ARL11: variants seen among roughly 807,000 people sequenced by gnomAD.
ARL11 encodes the protein ADP-ribosylation factor-like protein 11.
For missense variants in ARL11, 239 were observed against 250.6 expected, an observed-to-expected ratio of 0.95 and a Z score of 0.31; for synonymous variants, 91 against 111.2, an observed-to-expected ratio of 0.82 and a Z score of 1.15.
At position 49,630,357 on chromosome 13, in the gene ARL11, CCA is replaced by C. The variant is rs1252330786; in HGVS notation, c.-18-71_-18-70del. On this transcript the variant is annotated intron_variant, in intron 1 of 1. Transcript: ENST00000282026. ...ACAGTGCTGGGATTACAGGTGTGAG[CCA>C]CTGCACCAGGATGGATTTGTCTTCC... The C allele has an allele frequency of 6.7e-5, 70 of 1,045,218 alleles. 1 individual carries two copies. Among genetic ancestry groups the C allele is most frequent in the Middle Eastern group, 6.0e-4 (2 of 3,342 alleles). 64.7% of individuals were successfully genotyped at this position (1,045,218 alleles called of 1,614,324 possible). A position where few individuals can be genotyped will look rare whatever the true frequency, so the allele number is the denominator to read the frequency against.
At position 49,630,672 on chromosome 13, in the gene ARL11, G is replaced by A; in HGVS notation, c.225G>A (p.Lys75=). The A allele has an allele frequency of 1.2e-6, 2 of 1,614,178 alleles. No individual in the cohort carries two copies. Among genetic ancestry groups the A allele is most frequent in the South Asian group, 2.2e-5 (2 of 91,082 alleles). Reference sequence around the variant, plus strand: ...AGGCCCCGCTCAGAGCCAGCTGGAAGGACTATCTGGAAGGCACAGATATCC... The same window carrying A: ...AGGCCCCGCTCAGAGCCAGCTGGAAAGACTATCTGGAAGGCACAGATATCC... ...GGQAPLRASW[K]DYLEGTDILV... Residue 75 remains lysine (K), a synonymous_variant, in exon 2 of 2, where the codon AAG becomes AAA. Transcript: ENST00000282026.
Position 49,630,035 on chromosome 13 carries a change from A to G in ARL11, c.-18-395A>G, listed in dbSNP as rs77838045. The G allele has an allele frequency of 3.5e-3, 566 of 160,542 alleles. 4 individuals are homozygous for G. Among genetic ancestry groups the G allele is most frequent in the African/African-American group, 0.013 (527 of 41,666 alleles). The allele number at this position is 160,542 out of a possible 1,614,324, so 9.9% of individuals were successfully genotyped here. On this transcript the variant is annotated intron_variant, in intron 1 of 1. Transcript: ENST00000282026. ...TGCCTCTTTGCTTTAACTCCTCAGG[A>G]ATGTCTTCCAGGAGGCCCCTGATCT...
Position 49,630,823 on chromosome 13 carries a change from G to T in ARL11, c.376G>T (p.Ala126Ser). The T allele has an allele frequency of 6.2e-7, 1 of 1,607,354 alleles. No individual in the cohort carries two copies. The highest frequency in any genetic ancestry group is 1.7e-4 in the Middle Eastern group (1 of 6,030). Reference protein sequence around the residue: ...PFLVLANKQEAPDALPLLKIR... With the variant: ...PFLVLANKQESPDALPLLKIR... The stretch of plus-strand genomic sequence containing the variant: ...CTTGGTGCTGGCCAACAAGCAGGAG[G>T]CACCTGATGCACTTCCGCTGCTTAA... The change falls in exon 2 of 2, where the codon GCA becomes TCA. Residue 126 changes from alanine (A) to serine (S), a missense_variant. By Grantham distance (99) the Ala-to-Ser change is moderately conservative (BLOSUM62 1). Transcript: ENST00000282026.
intron 1 of ARL11, 149 bp from the exon 2 acceptor site, chr13:49,630,281 C>T (rs1345812559): frequency 5.3e-5 from 32 of 609,014 alleles, no homozygotes; most frequent in East Asian, 3.9e-4. Flanking sequence ...TTTGTTGCCT[C>T]GGCTTGTTTG....
In ARL11 at chr13:49,632,933, T is replaced by C. The variant is rs1026688260; in HGVS notation, c.*1895T>C. On this transcript the variant is annotated 3_prime_UTR_variant, in exon 2 of 2. Transcript: ENST00000282026. ...TAAAGACATTACTCCCATAAAAATG[T>C]GAGGAGAGAGACTCAGTTCAGCAAC... 6.0e-6 allele frequency: 1 copy of C among 166,896 alleles called. No homozygotes were observed. Among genetic ancestry groups the C allele is most frequent in the African/African-American group, 2.4e-5 (1 of 41,450 alleles). The allele number at this position is 166,896 out of a possible 1,614,324, so 10.3% of individuals were successfully genotyped here.
At position 49,630,878 on chromosome 13, in the gene ARL11, T is replaced by A. The variant is rs763952974; in HGVS notation, c.431T>A (p.Phe144Tyr). Reference protein sequence around the residue: ...KIRNRLSLERFQDHCWELRGC... With the variant: ...KIRNRLSLERYQDHCWELRGC... ...AGAAACAGGCTGAGTCTAGAGAGAT[T>A]CCAGGACCACTGCTGGGAGCTCCGG... The change falls in exon 2 of 2, where the codon TTC becomes TAC. Residue 144 changes from phenylalanine to tyrosine, a missense_variant. By Grantham distance (22) the Phe-to-Tyr change is conservative. Coordinates refer to ENST00000282026, the MANE Select transcript of ARL11 (RefSeq NM_138450.6). 1 of 1,590,464 alleles carries A rather than the reference T, an allele frequency of 6.3e-7. No homozygotes were observed. Among genetic ancestry groups the A allele is most frequent in the Non-Finnish European group, 8.6e-7 (1 of 1,164,858 alleles).
At chr13:49,630,282 G>T in intron 1 of ARL11, 148 bp from the exon 2 acceptor site, 2 of 600,116 alleles carry the variant, frequency 3.3e-6, no homozygotes, top group Non-Finnish European at 5.9e-6. Flanking sequence ...TTGTTGCCTC[G>T]GCTTGTTTGA....
intron 1 of ARL11, among the ~76,000 whole-genome samples, chr13:49,629,631 T>G (rs1289880898): frequency 6.6e-6 from 1 of 152,212 alleles, no homozygotes; most frequent in African/African-American, 2.4e-5. Context: ...TGTACCGGTG[T>G]GTAGCCCAGG....
rs1034709035 is a variant in ARL11, at chr13:49,631,472, C to G, written c.*434C>G. ...TCTCAACATACTTCATTTAATAGCTCGTTACCAAGTGTGAATGAAGCAATA... is the reference window on the plus strand; with the variant it reads ...TCTCAACATACTTCATTTAATAGCTGGTTACCAAGTGTGAATGAAGCAATA... On this transcript the variant is annotated 3_prime_UTR_variant, in exon 2 of 2. Transcript: ENST00000282026. The G allele has an allele frequency of 5.9e-6, 1 of 168,390 alleles. No individual in the cohort carries two copies. The highest frequency in any genetic ancestry group is 2.4e-5 in the African/African-American group (1 of 41,398). 10.4% of individuals were successfully genotyped at this position (168,390 alleles called of 1,614,324 possible).
In ARL11 at chr13:49,632,296, T is replaced by C. The variant is rs866216278; in HGVS notation, c.*1258T>C. 6.0e-6 allele frequency: 1 copy of C among 167,070 alleles called. No homozygotes were observed. The highest frequency in any genetic ancestry group is 6.5e-5 in the Admixed American group (1 of 15,282). 10.3% of individuals were successfully genotyped at this position (167,070 alleles called of 1,614,324 possible). On this transcript the variant is annotated 3_prime_UTR_variant, in exon 2 of 2. Coordinates refer to ENST00000282026, the MANE Select transcript of ARL11 (RefSeq NM_138450.6). ...ACACTGAGCTTTCGAATATGAATCATGTGCTTTAGGTGGGAATTGTGAATT... is the reference window on the plus strand; with the variant it reads ...ACACTGAGCTTTCGAATATGAATCACGTGCTTTAGGTGGGAATTGTGAATT...
Position 49,631,023 on chromosome 13 carries a change from C to G in ARL11, c.576C>G (p.Asp192Glu). Residue 192 changes from aspartate to glutamate, a missense_variant, in exon 2 of 2, where the codon GAC (aspartate) becomes GAG (glutamate). Asp to Glu is a conservative substitution (Grantham distance 45). Coordinates refer to ENST00000282026, the MANE Select transcript of ARL11 (RefSeq NM_138450.6). ...QARAHGAERG[D>E]SKRS ...GAGCCCATGGGGCTGAGCGCGGAGA[C>G]AGCAAGAGATCTTGATCCAGACAGA... is the stretch of plus-strand genomic sequence containing the variant. The G allele has an allele frequency of 6.3e-7, 1 of 1,583,978 alleles. No homozygotes were observed. Among genetic ancestry groups the G allele is most frequent in the Non-Finnish European group, 8.6e-7 (1 of 1,164,406 alleles).
At position 49,631,220 on chromosome 13, in the gene ARL11, C is replaced by T. The variant is rs549932907; in HGVS notation, c.*182C>T. The stretch of plus-strand genomic sequence containing the variant: ...CTTGAGCCCAGGAGTTGGAGAGCAA[C>T]ATCACAACACCCCATTTCTACTAAT... On this transcript the variant is annotated 3_prime_UTR_variant, in exon 2 of 2. Coordinates refer to ENST00000282026, the MANE Select transcript of ARL11 (RefSeq NM_138450.6). 1.5e-5 allele frequency: 8 copies of T among 548,444 alleles called. No homozygotes were observed. Among genetic ancestry groups the T allele is most frequent in the African/African-American group, 3.9e-5 (2 of 51,306 alleles). The allele number at this position is 548,444 out of a possible 1,614,324, so 34.0% of individuals were successfully genotyped here.
At position 49,632,440 on chromosome 13, in the gene ARL11, C is replaced by G. The variant is rs1444139846; in HGVS notation, c.*1402C>G. Reference sequence around the variant, plus strand: ...TGATCATTACCTAGCATCCATGAAGCACCTGAAATTATTTGCAAAATGTTA... The same window carrying G: ...TGATCATTACCTAGCATCCATGAAGGACCTGAAATTATTTGCAAAATGTTA... On this transcript the variant is annotated 3_prime_UTR_variant, in exon 2 of 2. Transcript: ENST00000282026. 1 of 167,024 alleles carries G rather than the reference C, an allele frequency of 6.0e-6. No homozygotes were observed. The highest frequency in any genetic ancestry group is 2.4e-5 in the African/African-American group (1 of 41,452). 10.3% of individuals were successfully genotyped at this position (167,024 alleles called of 1,614,324 possible). A position where few individuals can be genotyped will look rare whatever the true frequency, so the allele number is the denominator to read the frequency against.
rs781073355 is a variant in ARL11 at position 49,633,683 on chromosome 13, C to T, written c.*2645C>T. The T allele has an allele frequency of 1.8e-5, 3 of 167,060 alleles. No individual in the cohort carries two copies. Among genetic ancestry groups the T allele is most frequent in the Non-Finnish European group, 4.4e-5 (3 of 68,144 alleles). The allele number at this position is 167,060 out of a possible 1,614,324, so 10.3% of individuals were successfully genotyped here. ...TGAAGAGGGCTCAAGATTTTGAGTC[C>T]ACATGACAGAAGGACTGGAATGCCA... On this transcript the variant is annotated 3_prime_UTR_variant, in exon 2 of 2. Transcript: ENST00000282026.
rs80213681 is a variant in ARL11 at position 49,632,827 on chromosome 13, ATGTTTCAAGACGC to A, written c.*1793_*1805del. The A allele has an allele frequency of 0.083, 13,950 of 167,108 alleles. 607 individuals are homozygous for A. The highest frequency in any genetic ancestry group is 0.16 in the Middle Eastern group (47 of 294). The allele number at this position is 167,108 out of a possible 1,614,324, so 10.4% of individuals were successfully genotyped here. A position where few individuals can be genotyped will look rare whatever the true frequency, so the allele number is the denominator to read the frequency against. ...TTATTTCCAGTACTTGTCAGTCAACATGTTTCAAGACGCTGTGTTAGACACTAGGGATGCAAAG... is the reference window on the plus strand; with the variant it reads ...TTATTTCCAGTACTTGTCAGTCAACATGTGTTAGACACTAGGGATGCAAAG... On this transcript the variant is annotated 3_prime_UTR_variant, in exon 2 of 2. Transcript: ENST00000282026.
Position 49,631,036 on chromosome 13 carries a change from T to G in ARL11, c.589T>G (p.Ter197GlyextTer17). 1 of 1,568,680 alleles carries G rather than the reference T, an allele frequency of 6.4e-7. No individual in the cohort carries two copies. The highest frequency in any genetic ancestry group is 8.7e-7 in the Non-Finnish European group (1 of 1,155,582). ...GAERGDSKRS[*>G] ...TGAGCGCGGAGACAGCAAGAGATCTTGATCCAGACAGAGCAGCATATCTTT... is the reference window on the plus strand; with the variant it reads ...TGAGCGCGGAGACAGCAAGAGATCTGGATCCAGACAGAGCAGCATATCTTT... Residue 197 changes from the stop codon to glycine (G), a stop_lost, in exon 2 of 2, where the codon TGA (stop) becomes GGA (glycine). Transcript: ENST00000282026.
chr13:49,631,989 T>G lies in ARL11; in HGVS notation c.*951T>G, dbSNP rs1964892972. On this transcript the variant is annotated 3_prime_UTR_variant, in exon 2 of 2. Coordinates refer to ENST00000282026, the MANE Select transcript of ARL11 (RefSeq NM_138450.6). Reference sequence around the variant, plus strand: ...GGCAGGGCCCATACAACAGCAGGGGTCTGCAGGTTAGACGTTCCCTGCCCT... The same window carrying G: ...GGCAGGGCCCATACAACAGCAGGGGGCTGCAGGTTAGACGTTCCCTGCCCT... 2 of 166,888 alleles carry G rather than the reference T, an allele frequency of 1.2e-5. No homozygotes were observed. Among genetic ancestry groups the G allele is most frequent in the Admixed American group, 1.3e-4 (2 of 15,250 alleles). The allele number at this position is 166,888 out of a possible 1,614,324, so 10.3% of individuals were successfully genotyped here.
rs1964884071 is a variant in ARL11, at chr13:49,631,232, C to T, written c.*194C>T. 2 of 507,312 alleles carry T rather than the reference C, an allele frequency of 3.9e-6. No individual in the cohort carries two copies. Among genetic ancestry groups the T allele is most frequent in the East Asian group, 3.3e-5 (1 of 29,948 alleles). The allele number at this position is 507,312 out of a possible 1,614,324, so 31.4% of individuals were successfully genotyped here. A position where few individuals can be genotyped will look rare whatever the true frequency, so the allele number is the denominator to read the frequency against. The stretch of plus-strand genomic sequence containing the variant: ...AGTTGGAGAGCAACATCACAACACC[C>T]CATTTCTACTAATAATCAAAAAATT... On this transcript the variant is annotated 3_prime_UTR_variant, in exon 2 of 2. Coordinates refer to ENST00000282026, the MANE Select transcript of ARL11 (RefSeq NM_138450.6).
In ARL11 at chr13:49,633,390, C is replaced by T. The variant is rs1353030079; in HGVS notation, c.*2352C>T. ...GTTGACATCACGATAGAAAACAAAA[C>T]TGGAATGGGAGTTTAGGTCCAATTT... On this transcript the variant is annotated 3_prime_UTR_variant, in exon 2 of 2. Transcript: ENST00000282026. 1 of 166,992 alleles carries T rather than the reference C, an allele frequency of 6.0e-6. No individual in the cohort carries two copies. The highest frequency in any genetic ancestry group is 6.5e-5 in the Admixed American group (1 of 15,272). 10.3% of individuals were successfully genotyped at this position (166,992 alleles called of 1,614,324 possible).
Sources: allele counts gnomAD v4.1 joint callset (sites outside exome capture counted in the v4.1 genomes callset), GRCh38; gene constraint gnomAD v4.1.1; transcripts MANE v1.5; gene names NCBI Gene and HGNC (gene_info 2026-07-23, HGNC 2026-07-21).